Variants in MMS22L observed in about 807,000 individuals in gnomAD.
MMS22L encodes protein MMS22-like.
A neutral mutation model predicts 159.1 loss-of-function variants in MMS22L; 74 were observed. That is an observed-to-expected ratio of 0.47 (90% CI 0.39 to 0.56). The LOEUF (loss-of-function observed/expected upper bound fraction) is 0.56, where lower values mean the gene tolerates loss of function less well. MMS22L is among the 20% of genes least tolerant of loss of function. The pLI, the probability that MMS22L is intolerant of heterozygous loss-of-function variation, is 0.00. For missense variants in MMS22L, 1,351 were observed against 1,422.1 expected (o/e 0.95, Z 0.80); for synonymous variants, 517 against 506.9 (o/e 1.02, Z -0.27).
At chr6:97,155,173 A>G (rs1801700052) in intron 22 of MMS22L, among the ~76,000 whole-genome samples, 1 of 152,046 alleles carries the variant, frequency 6.6e-6, no homozygotes, top group African/African-American at 2.4e-5. Context: ...ATCCTTTCAC[A>G]TGGTATTATT....
rs142658569 is a variant in MMS22L, at chr6:97,200,305, C to T, written c.2040-13615G>A. Among the ~76,000 whole-genome samples the T allele has an allele frequency of 2.3e-3, 357 of 152,096 alleles. 3 individuals are homozygous for T. The highest frequency in any genetic ancestry group is 0.017 in the South Asian group (84 of 4,826). On this transcript the variant is annotated intron_variant, in intron 14 of 24. Transcript: ENST00000683635. ...ACCACATACATTCCCTATAGAGATG[C>T]TATTTACCACTTTTACTGTAGTTCT...
rs529655576 is a variant in MMS22L, at chr6:97,201,346, G to GTTA, written c.2040-14659_2040-14657dup. ...ATGATCTTTCAGAACATGTGGTTACGTTAGGCTTCAATCACCTCTTACTCT... is the reference window on the plus strand; with the variant it reads ...ATGATCTTTCAGAACATGTGGTTACGTTATTAGGCTTCAATCACCTCTTACTCT... On this transcript the variant is annotated intron_variant, in intron 14 of 24. Coordinates refer to ENST00000683635, the MANE Select transcript of MMS22L (RefSeq NM_001350599.2). 2.0e-4 allele frequency among the ~76,000 whole-genome samples: 30 copies of GTTA among 152,194 alleles called. No individual in the cohort carries two copies. In the East Asian group the frequency reaches 2.9e-3, roughly 15 times the overall value.
At position 97,229,345 on chromosome 6, in the gene MMS22L, T is replaced by C; in HGVS notation, c.1588A>G (p.Asn530Asp). Residue 530 changes from asparagine to aspartate, a missense_variant, in exon 14 of 25, where the codon AAC becomes GAC. By Grantham distance (23) the Asn-to-Asp change is conservative (BLOSUM62 1). Coordinates refer to ENST00000683635, the MANE Select transcript of MMS22L (RefSeq NM_001350599.2). ...AACAGTAGAAAAAGGCTAAAAAAGT[T>C]CTGTAGACCAACTTCAGTTAGTTCT... is the stretch of plus-strand genomic sequence containing the variant. ...MEELTEVGLQ[N>D]FFSLFLLLAA... is the part of the protein sequence containing the mutation. The C allele has an allele frequency of 6.2e-7, 1 of 1,609,254 alleles. No individual in the cohort carries two copies.
At chr6:97,279,394 G>A (rs1034668296) in intron 3 of MMS22L, among the ~76,000 whole-genome samples, 10 of 152,034 alleles carry the variant, frequency 6.6e-5, no homozygotes, top group Non-Finnish European at 1.2e-4. Flanking sequence ...TGAGGCAGGA[G>A]AATGGTGTGA....
At chr6:97,158,750 A>G (rs1802112887) in intron 22 of MMS22L, among the ~76,000 whole-genome samples, 1 of 152,122 alleles carries the variant, frequency 6.6e-6, no homozygotes, top group African/African-American at 2.4e-5. Context: ...CATTTTTAGA[A>G]TAAGTGCGAT....
rs1582435150 is a variant in MMS22L at position 97,167,964 on chromosome 6, T to C, written c.3009+107A>G. On this transcript the variant is annotated intron_variant, in intron 20 of 24. Transcript: ENST00000683635. Reference sequence around the variant, plus strand: ...TCAATAAATGTGCCACACAAGCATTTGAGATTATAATGTACAGTTTTTAAA... The same window carrying C: ...TCAATAAATGTGCCACACAAGCATTCGAGATTATAATGTACAGTTTTTAAA... 3.2e-6 allele frequency: 3 copies of C among 948,906 alleles called. No homozygotes were observed. In the East Asian group the frequency reaches 8.0e-5, roughly 25 times the overall value. The allele number at this position is 948,906 out of a possible 1,614,324, so 58.8% of individuals were successfully genotyped here.
intron 11 of MMS22L, chr6:97,245,981 C>A (rs1812598746): frequency 4.3e-6 from 1 of 231,920 alleles, no homozygotes; most frequent in Non-Finnish European, 8.8e-6. Context: ...TTCCCAAATT[C>A]CAAAATATTA....
chr6:97,261,223 G>T (rs1456031261), intron 9 of MMS22L: 1 of 152,194 alleles, frequency 6.6e-6, no homozygotes, highest in Non-Finnish European at 1.5e-5. Flanking sequence ...TTTTAAAACT[G>T]ACAGTACTAA....
rs541014824 is a variant in MMS22L at position 97,179,505 on chromosome 6, G to A, written c.2439C>T (p.Thr813=). ...AAACACAACGAATCCATGATCTTAC[G>A]GTTAAGGCTTGAAAAGATACATAGC... ...HSGYVSFQAL[T]VRSWIRCVLQ... Residue 813 remains threonine, a synonymous_variant, in exon 17 of 25, where the codon ACC becomes ACT. Transcript: ENST00000683635. The A allele has an allele frequency of 2.9e-5, 46 of 1,613,120 alleles. No homozygotes were observed. In the East Asian group the frequency reaches 3.8e-4, roughly 13 times the overall value.
intron 18 of MMS22L, among the ~76,000 whole-genome samples, chr6:97,174,277 T>G (rs917963002): frequency 2.0e-4 from 29 of 147,996 alleles, no homozygotes; most frequent in African/African-American, 4.0e-4. Context: ...AAAAAAAAAA[T>G]AAAAAGAAAG....
intron 18 of MMS22L, among the ~76,000 whole-genome samples, chr6:97,177,137 G>C (rs576044809): frequency 9.9e-5 from 15 of 152,046 alleles, no homozygotes; most frequent in African/African-American, 3.6e-4. Flanking sequence ...TTGGCCAACA[G>C]TTCTCTGCAC....
chr6:97,143,913 C>G lies in MMS22L; in HGVS notation c.*2893G>C, dbSNP rs1800757523. On this transcript the variant is annotated 3_prime_UTR_variant, in exon 25 of 25. Coordinates refer to ENST00000683635, the MANE Select transcript of MMS22L (RefSeq NM_001350599.2). ...AGCCCAACATGGTGAAACCCCGTCT[C>G]TACTAAAAATACAAAAAAAATTAGC... is the stretch of plus-strand genomic sequence containing the variant. The G allele has an allele frequency of 1.3e-5, 2 of 151,822 alleles. No individual in the cohort carries two copies. Among genetic ancestry groups the G allele is most frequent in the South Asian group, 4.1e-4 (2 of 4,824 alleles). The allele number at this position is 151,822 out of a possible 1,614,324, so 9.4% of individuals were successfully genotyped here. A position where few individuals can be genotyped will look rare whatever the true frequency, so the allele number is the denominator to read the frequency against.
chr6:97,279,193 TA>T (rs943980273), intron 3 of MMS22L, among the ~76,000 whole-genome samples: 8 of 152,178 alleles, frequency 5.3e-5, no homozygotes, highest in Non-Finnish European at 1.0e-4. Context: ...TTTATATCTT[TA>T]AGTTTACGGC....
intron 22 of MMS22L, among the ~76,000 whole-genome samples, chr6:97,159,146 C>A (rs1209557644): frequency 7.9e-6 from 1 of 127,312 alleles, no homozygotes; most frequent in Non-Finnish European, 1.6e-5. Flanking sequence ...TTTTTTTTTG[C>A]TTTCCATTTG....
intron 18 of MMS22L, among the ~76,000 whole-genome samples, chr6:97,174,274 A>AT (rs200848176): frequency 0.017 from 2,585 of 150,600 alleles, 74 homozygotes; most frequent in African/African-American, 0.061. Context: ...AAAAAAAAAA[A>AT]AATAAAAAGA....
At chr6:97,202,447 C>A (rs981011589) in intron 14 of MMS22L, among the ~76,000 whole-genome samples, 1 of 152,190 alleles carries the variant, frequency 6.6e-6, no homozygotes, top group Non-Finnish European at 1.5e-5. Context: ...AATATCCTTT[C>A]TAGCATTATG....
At chr6:97,282,670 TC>T (rs1816869795) in intron 1 of MMS22L, 117 bp from the exon 2 acceptor site, 2 of 460,942 alleles carry the variant, frequency 4.3e-6, no homozygotes, top group South Asian at 6.1e-5. Context: ...AATTCCCAAT[TC>T]CCCCTCGCCC....
At chr6:97,242,822 C>G (rs959995225) in intron 11 of MMS22L, among the ~76,000 whole-genome samples, 1 of 152,178 alleles carries the variant, frequency 6.6e-6, no homozygotes, top group Non-Finnish European at 1.5e-5. Context: ...TACTTTATAT[C>G]TTTCCTTCAT....
chr6:97,184,045 T>C (rs887894498), intron 15 of MMS22L, among the ~76,000 whole-genome samples: 1 of 152,144 alleles, frequency 6.6e-6, no homozygotes, highest in African/African-American at 2.4e-5. Flanking sequence ...TCATCTTCTA[T>C]CAGGCCTTTG....
Sources: allele counts gnomAD v4.1 joint callset (sites outside exome capture counted in the v4.1 genomes callset), GRCh38; gene constraint gnomAD v4.1.1; transcripts MANE v1.5; gene names NCBI Gene and HGNC (gene_info 2026-07-23, HGNC 2026-07-21).